FLNB: variants seen among roughly 807,000 people sequenced by gnomAD.
FLNB encodes filamin B, also known as filamin-B.
A neutral mutation model predicts 250.6 loss-of-function variants in FLNB; 111 were observed. The ratio of observed to expected loss-of-function variants is 0.44; its 90% CI spans 0.38 to 0.52. The LOEUF (loss-of-function observed/expected upper bound fraction) is 0.52, where lower values mean the gene tolerates loss of function less well. Ranked by LOEUF, FLNB falls within the 20% of genes least tolerant of loss-of-function variation. The pLI is 0.00. For synonymous variants in FLNB, 1,302 were observed against 1,372.1 expected, an observed-to-expected ratio of 0.95 and a Z score of 1.13; for missense variants, 2,869 against 3,447.8, an observed-to-expected ratio of 0.83 and a Z score of 4.20.
At chr3:58,081,477 T>C in intron 3 of FLNB, 152 bp from the exon 4 acceptor site, 3 of 825,926 alleles carry the variant, frequency 3.6e-6, no homozygotes, top group Non-Finnish European at 2.1e-6. Flanking sequence ...AACACTGATA[T>C]TGGTGTGTTG....
At chr3:58,126,814 A>T in intron 24 of FLNB, 52 bp downstream of exon 24, 1 of 1,562,506 alleles carries the variant, frequency 6.4e-7, no homozygotes, top group Non-Finnish European at 8.8e-7. Context: ...TTGCAGGAAA[A>T]TGGGTTTGAT....
chr3:58,027,210 T>A (rs2097124651), intron 1 of FLNB, among the ~76,000 whole-genome samples: 1 of 151,886 alleles, frequency 6.6e-6, no homozygotes, highest in Non-Finnish European at 1.5e-5. Context: ...TGGAGTGCAG[T>A]GGCGCGATCT....
rs748677778 is a variant in FLNB at position 58,008,869 on chromosome 3, G to A, written c.292+13G>A. The A allele has an allele frequency of 1.2e-6, 2 of 1,613,252 alleles. No individual in the cohort carries two copies. The highest frequency in any genetic ancestry group is 2.7e-5 in the African/African-American group (2 of 74,916). On this transcript the variant is annotated intron_variant, in intron 1 of 45. Coordinates refer to ENST00000295956, the MANE Select transcript of FLNB (RefSeq NM_001457.4). The stretch of plus-strand genomic sequence containing the variant: ...CTCGTGTCCATCGGTGAGTTCTCTG[G>A]CCGGGCCCAGGCGCCCACTGTGGTG...
rs551302997 is a variant in FLNB at position 58,146,540 on chromosome 3, C to T, written c.5555-280C>T. The stretch of plus-strand genomic sequence containing the variant: ...GTCTCCTATGTGTAATTGATGTACA[C>T]GGCTCCTTCCTTTTCTCATCCCATG... On this transcript the variant is annotated intron_variant, in intron 33 of 45. Transcript: ENST00000295956. 4.9e-4 allele frequency: 227 copies of T among 463,804 alleles called. 1 individual carries two copies. Among genetic ancestry groups the T allele is most frequent in the African/African-American group, 4.1e-3 (209 of 50,702 alleles). The allele number at this position is 463,804 out of a possible 1,614,324, so 28.7% of individuals were successfully genotyped here.
At chr3:58,110,772 G>T (rs2097267250) in intron 16 of FLNB, among the ~76,000 whole-genome samples, 1 of 152,106 alleles carries the variant, frequency 6.6e-6, no homozygotes, top group South Asian at 2.1e-4. Context: ...TGCATTTTTA[G>T]TAGAGACGGT....
intron 1 of FLNB, among the ~76,000 whole-genome samples, chr3:58,069,844 A>G (rs1383844503): frequency 6.6e-6 from 1 of 152,008 alleles, no homozygotes; most frequent in East Asian, 1.9e-4. Flanking sequence ...CATTTCAACC[A>G]CCTGTTAATT....
At chr3:58,027,743 G>A (rs188117386) in intron 1 of FLNB, among the ~76,000 whole-genome samples, 26 of 152,260 alleles carry the variant, frequency 1.7e-4, no homozygotes, top group African/African-American at 3.6e-4. Flanking sequence ...CATATCCCAC[G>A]GCTGTCTCTA....
intron 4 of FLNB, among the ~76,000 whole-genome samples, chr3:58,083,868 C>G (rs1421586399): frequency 6.6e-6 from 1 of 152,152 alleles, no homozygotes; most frequent in Admixed American, 6.5e-5. Context: ...TTCACAGTCA[C>G]TTGAAGGCTG....
intron 30 of FLNB, 26 bp downstream of exon 30, chr3:58,141,955 G>A (rs1199615661): frequency 8.8e-6 from 14 of 1,589,826 alleles, no homozygotes; most frequent in Non-Finnish European, 1.0e-5. Flanking sequence ...TTTCCTTTTT[G>A]TGTTTCTGTG....
intron 1 of FLNB, among the ~76,000 whole-genome samples, chr3:58,017,337 G>A (rs113431135): frequency 1.3e-5 from 2 of 152,136 alleles, no homozygotes; most frequent in Non-Finnish European, 2.9e-5. Context: ...TGCAACCTCC[G>A]CCTCCCGGGT....
At chr3:58,140,425 A>C (rs1180767215) in intron 29 of FLNB, among the ~76,000 whole-genome samples, 1 of 152,160 alleles carries the variant, frequency 6.6e-6, no homozygotes, top group East Asian at 1.9e-4. Flanking sequence ...GGCTGTTCCA[A>C]ATGTCGCTCA....
At chr3:58,037,514 C>T (rs1386625182) in intron 1 of FLNB, among the ~76,000 whole-genome samples, 1 of 152,234 alleles carries the variant, frequency 6.6e-6, no homozygotes, top group Non-Finnish European at 1.5e-5. Flanking sequence ...CTTGACCACT[C>T]ATTTTTTTTC....
In FLNB at chr3:58,123,676, G is replaced by C. The variant is rs771200435; in HGVS notation, c.3710G>C (p.Gly1237Ala). The C allele has an allele frequency of 1.7e-5, 26 of 1,531,072 alleles. No homozygotes were observed. Among genetic ancestry groups the C allele is most frequent in the Non-Finnish European group, 2.3e-5 (26 of 1,116,322 alleles). The allele number at this position is 1,531,072 out of a possible 1,614,324, so 94.8% of individuals were successfully genotyped here. ...AGCAGGATCAAAGTCTTTGGACCAG[G>C]AATAGAAGGGAAAGGTGGGTTTCAT... is the stretch of plus-strand genomic sequence containing the variant. ...DTSRIKVFGPGIEGKDVFREA... is the reference protein window; with the variant it reads ...DTSRIKVFGPAIEGKDVFREA... Residue 1237 changes from glycine to alanine, a missense_variant, in exon 21 of 46, where the codon GGA (glycine) becomes GCA (alanine). By Grantham distance (60) the Gly-to-Ala change is moderately conservative. Transcript: ENST00000295956.
At chr3:58,132,154 T>G (rs960967992) in intron 25 of FLNB, 1 of 666,368 alleles carries the variant, frequency 1.5e-6, no homozygotes, top group Non-Finnish European at 2.7e-6. Context: ...TACCCTGGAG[T>G]TGACCCATCC....
At chr3:58,106,477 A>AT (rs1559696947) in intron 11 of FLNB, among the ~76,000 whole-genome samples, 29 of 149,586 alleles carry the variant, frequency 1.9e-4, no homozygotes, top group Middle Eastern at 3.4e-3. Context: ...TTTGAAAAAA[A>AT]AAAAATATAT....
At position 58,142,187 on chromosome 3, in the gene FLNB, A is replaced by G. The variant is rs1471766215; in HGVS notation, c.5181+258A>G. 6.6e-6 allele frequency among the ~76,000 whole-genome samples: 1 copy of G among 152,206 alleles called. No homozygotes were observed. Among genetic ancestry groups the G allele is most frequent in the Non-Finnish European group, 1.5e-5 (1 of 68,040 alleles). ...GTGCAGTTTGTCTCTGTGTTTAAAG[A>G]GAAAGACAGACAGCTGTCTGCAGCC... is the stretch of plus-strand genomic sequence containing the variant. On this transcript the variant is annotated intron_variant, in intron 30 of 45. Coordinates refer to ENST00000295956, the MANE Select transcript of FLNB (RefSeq NM_001457.4). This position sits in a 1 kb window ranked among gnomAD's most constrained non-coding sequence, Gnocchi z 4.3.
chr3:58,063,488 C>G (rs1479077287), intron 1 of FLNB, among the ~76,000 whole-genome samples: 2 of 152,170 alleles, frequency 1.3e-5, no homozygotes, highest in African/African-American at 4.8e-5. Context: ...AAAGACAGGG[C>G]ACAGGGAGGA....
In FLNB at chr3:58,140,953, T is replaced by C. The variant is rs551110456; in HGVS notation, c.5110-905T>C. Among the ~76,000 whole-genome samples, 5 of 152,222 alleles carry C rather than the reference T, an allele frequency of 3.3e-5. No homozygotes were observed. The East Asian group carries it at 9.7e-4, about 29-fold the overall frequency. ...TTGAAAATGAATTTATAAAAAACTT[T>C]AGAAACATTAACTGCTGAGCATGGT... is the stretch of plus-strand genomic sequence containing the variant. On this transcript the variant is annotated intron_variant, in intron 29 of 45. Coordinates refer to ENST00000295956, the MANE Select transcript of FLNB (RefSeq NM_001457.4).
At chr3:58,166,226 C>G (rs1161684994) in intron 43 of FLNB, 1 of 152,200 alleles carries the variant, frequency 6.6e-6, no homozygotes, top group Non-Finnish European at 1.5e-5. Context: ...TTCTCTTTTC[C>G]CACCTCGTCT....
Sources: gnomAD v4.1 joint callset for allele counts (sites outside exome capture counted in the v4.1 genomes callset) on GRCh38, gnomAD v4.1.1 for gene constraint, Gnocchi (gnomAD v3.1) non-coding constraint, MANE v1.5 for transcripts, NCBI Gene and HGNC (gene_info 2026-07-23, HGNC 2026-07-21) for gene names.